MTA3: variants seen among roughly 807,000 people sequenced by gnomAD.
MTA3 encodes the protein metastasis associated 1 family member 3, also known as metastasis-associated protein MTA3.
A neutral mutation model predicts 83.5 loss-of-function variants in MTA3; 34 were observed. That is an observed-to-expected ratio of 0.41 (90% confidence interval 0.31 to 0.54). The LOEUF is 0.54. Among genes scored for constraint, MTA3 ranks in the 20% least tolerant of loss-of-function variants. The pLI, the probability that MTA3 is intolerant of heterozygous loss-of-function variation, is 0.33. For missense variants in MTA3, 761 were observed against 726.4 expected (o/e 1.05, Z -0.55); for synonymous variants, 303 against 252.7 (o/e 1.20, Z -1.89).
At chr2:42,535,784 G>A (rs1011935490) in intron 2 of MTA3, among the ~76,000 whole-genome samples, 1 of 152,084 alleles carries the variant, frequency 6.6e-6, no homozygotes, top group Non-Finnish European at 1.5e-5. Context: ...AAAGGATCCT[G>A]GGGGTGGTCC....
intron 3 of MTA3, among the ~76,000 whole-genome samples, chr2:42,601,671 C>T (rs1558482529): frequency 6.6e-6 from 1 of 151,870 alleles, no homozygotes. Flanking sequence ...TCCAGGTTCA[C>T]GCCACGAAGC....
chr2:42,519,424 G>C (rs928336925), intron 2 of MTA3, among the ~76,000 whole-genome samples: 2 of 151,520 alleles, frequency 1.3e-5, no homozygotes, highest in South Asian at 4.2e-4. Context: ...TGGCCAACAT[G>C]GTGAAACCCC....
upstream of MTA3, chr2:42,568,622 CT>C: frequency 1.9e-6 from 1 of 521,984 alleles, no homozygotes; most frequent in Non-Finnish European, 2.7e-6. Flanking sequence ...CCTTCCCTCC[CT>C]TCCCCCCCGT....
At chr2:42,527,851 T>C (rs1361423938) in intron 2 of MTA3, among the ~76,000 whole-genome samples, 1 of 151,716 alleles carries the variant, frequency 6.6e-6, no homozygotes, top group Non-Finnish European at 1.5e-5. Context: ...AAACAAGTGC[T>C]ATTTCTCGAA....
chr2:42,709,611 A>G (rs1184214273), intron 14 of MTA3: 1 of 152,680 alleles, frequency 6.5e-6, no homozygotes. Flanking sequence ...GTCATACAAC[A>G]TTATGGAAAT....
At chr2:42,618,709 G>A (rs1032580700) in intron 4 of MTA3, among the ~76,000 whole-genome samples, 2 of 152,124 alleles carry the variant, frequency 1.3e-5, no homozygotes, top group African/African-American at 4.8e-5. Flanking sequence ...ATGGGCTCAA[G>A]TGATCCTCCT....
At chr2:42,556,964 C>T (rs1235987246) in intron 2 of MTA3, among the ~76,000 whole-genome samples, 1 of 152,142 alleles carries the variant, frequency 6.6e-6, no homozygotes, top group African/African-American at 2.4e-5. Flanking sequence ...AGGAAGGAGG[C>T]CCTACGAAAC....
chr2:42,711,754 T>G (rs1478897125), intron 14 of MTA3, among the ~76,000 whole-genome samples: 1 of 77,174 alleles, frequency 1.3e-5, no homozygotes, highest in Non-Finnish European at 2.4e-5. Context: ...ATGTCTGTGA[T>G]CTACTGGGAG....
rs149119538 is a variant in MTA3 at position 42,612,944 on chromosome 2, T to C, written c.317+3360T>C. 3.3e-5 allele frequency among the ~76,000 whole-genome samples: 5 copies of C among 152,260 alleles called. No individual in the cohort carries two copies. In the East Asian group the frequency reaches 7.7e-4, roughly 23 times the overall value. On this transcript the variant is annotated intron_variant, in intron 4 of 16. Coordinates refer to ENST00000405094, the MANE Select transcript of MTA3 (RefSeq NM_001330442.2). ...CTTGCCAGAACAAGAATCTGACAAA[T>C]GGTTTTAAAAATGTATCTAAAAGAC... is the stretch of plus-strand genomic sequence containing the variant.
intron 2 of MTA3, among the ~76,000 whole-genome samples, chr2:42,508,543 G>A (rs918864576): frequency 6.6e-6 from 1 of 151,220 alleles, no homozygotes; most frequent in Admixed American, 6.6e-5. Flanking sequence ...ATGTTACCCA[G>A]GCTGGTCTCA....
chr2:42,659,937 A>G (rs764738857), intron 8 of MTA3, 75 bp downstream of exon 8: 22 of 1,171,246 alleles, frequency 1.9e-5, no homozygotes, highest in Non-Finnish European at 2.4e-5. Flanking sequence ...TTGTGGCAAT[A>G]CTGTAGACCG....
At chr2:42,498,357 T>A (rs1674239693) in intron 2 of MTA3, among the ~76,000 whole-genome samples, 1 of 152,202 alleles carries the variant, frequency 6.6e-6, no homozygotes, top group South Asian at 2.1e-4. Context: ...ACCACCAGGA[T>A]GGCTGAATGG....
intron 3 of MTA3, among the ~76,000 whole-genome samples, chr2:42,597,570 G>C (rs1381437205): frequency 2.0e-5 from 3 of 151,482 alleles, no homozygotes; most frequent in Non-Finnish European, 4.4e-5. Context: ...ATTTTTAGTA[G>C]AGATGGGGTT....
chr2:42,556,688 G>C (rs1314884843), intron 2 of MTA3, among the ~76,000 whole-genome samples: 1 of 152,178 alleles, frequency 6.6e-6, no homozygotes, highest in Non-Finnish European at 1.5e-5. Context: ...GCCACTCCTG[G>C]AGGGAGTCAG....
chr2:42,594,726 A>ATG (rs1303482913), intron 3 of MTA3, among the ~76,000 whole-genome samples: 1 of 29,366 alleles, frequency 3.4e-5, no homozygotes, highest in African/African-American at 2.6e-4. Context: ...ATATATATAT[A>ATG]TATTTTTTTT....
intron 3 of MTA3, among the ~76,000 whole-genome samples, chr2:42,608,666 T>G (rs1683800662): frequency 6.6e-6 from 1 of 152,176 alleles, no homozygotes; most frequent in Non-Finnish European, 1.5e-5. Flanking sequence ...GCAGATCACT[T>G]GAGCCCAGGA....
chr2:42,571,664 C>G (rs1350938099), intron 2 of MTA3, among the ~76,000 whole-genome samples: 2 of 152,026 alleles, frequency 1.3e-5, no homozygotes, highest in Admixed American at 1.3e-4. Context: ...AAGGAATTGG[C>G]TGGGCGGGTG....
At chr2:42,508,717 AG>A (rs1320819239) in intron 2 of MTA3, among the ~76,000 whole-genome samples, 2 of 149,610 alleles carry the variant, frequency 1.3e-5, no homozygotes, top group Non-Finnish European at 3.0e-5. Context: ...ATATTAGTTA[AG>A]GGGGGAATAT....
intron 4 of MTA3, chr2:42,613,572 C>G (rs528914945): frequency 6.6e-6 from 1 of 152,076 alleles, no homozygotes; most frequent in Admixed American, 6.6e-5. Flanking sequence ...TTATCAAAGC[C>G]CCATCGTTCT....
Sources: allele counts gnomAD v4.1 joint callset (sites outside exome capture counted in the v4.1 genomes callset), GRCh38; gene constraint gnomAD v4.1.1; transcripts MANE v1.5; gene names NCBI Gene and HGNC (gene_info 2026-07-23, HGNC 2026-07-21).